The following CAMTA1 variants were observed in gnomAD, a reference collection of about 807,000 sequenced individuals.
The protein encoded by CAMTA1 is calmodulin binding transcription activator 1.
Under a neutral mutation model 170.9 loss-of-function variants are expected in CAMTA1, and 27 were observed. That is an observed-to-expected ratio of 0.16 (90% CI 0.12 to 0.22). The LOEUF (loss-of-function observed/expected upper bound fraction) is 0.22. Among genes scored for constraint, CAMTA1 ranks in the 10% least tolerant of loss-of-function variants. The pLI, the probability that CAMTA1 is intolerant of heterozygous loss-of-function variation, is 1.00. For missense variants in CAMTA1, 1,619 were observed against 2,217.2 expected, an observed-to-expected ratio of 0.73 and a Z score of 5.42; for synonymous variants, 833 against 891.5, an observed-to-expected ratio of 0.93 and a Z score of 1.17.
intron 5 of CAMTA1, among the ~76,000 whole-genome samples, chr1:7,429,192 A>G (rs539015897): frequency 6.6e-6 from 1 of 152,338 alleles, no homozygotes; most frequent in African/African-American, 2.4e-5. Context: ...CTCTCTGAGC[A>G]TCCGTTTCCA....
chr1:7,232,043 C>T (rs1333888196), intron 4 of CAMTA1, among the ~76,000 whole-genome samples: 3 of 152,218 alleles, frequency 2.0e-5, no homozygotes, highest in Admixed American at 6.5e-5. Flanking sequence ...GGAGACACCA[C>T]CCATCGGAGG....
chr1:6,872,049 A>G, intron 3 of CAMTA1: 1 of 995,058 alleles, frequency 1.0e-6, no homozygotes, highest in Non-Finnish European at 1.3e-6. Context: ...TCCTTTTAAA[A>G]TTTAAGTTTA....
intron 3 of CAMTA1, among the ~76,000 whole-genome samples, chr1:7,028,464 G>T (rs1011797579): frequency 6.6e-6 from 1 of 152,190 alleles, no homozygotes; most frequent in Non-Finnish European, 1.5e-5. Context: ...TCTAGCACAG[G>T]TGTCTTCATG....
At chr1:6,941,272 G>A (rs1448600624) in intron 3 of CAMTA1, among the ~76,000 whole-genome samples, 1 of 152,166 alleles carries the variant, frequency 6.6e-6, no homozygotes, top group African/African-American at 2.4e-5. Flanking sequence ...AGCCGCACTT[G>A]AAGTCGTAGG....
chr1:6,990,564 G>A (rs1350016325), intron 3 of CAMTA1, among the ~76,000 whole-genome samples: 1 of 152,038 alleles, frequency 6.6e-6, no homozygotes, highest in East Asian at 1.9e-4. Flanking sequence ...AATCTTAAGT[G>A]TGCCGTGCGA....
At chr1:6,848,975 T>C (rs1474716277) in intron 3 of CAMTA1, among the ~76,000 whole-genome samples, 1 of 152,194 alleles carries the variant, frequency 6.6e-6, no homozygotes, top group Admixed American at 6.5e-5. Context: ...TTGGTTGTCT[T>C]CTCATCTCAG....
chr1:7,337,083 C>T (rs2083431374), intron 5 of CAMTA1, among the ~76,000 whole-genome samples: 1 of 152,212 alleles, frequency 6.6e-6, no homozygotes, highest in Non-Finnish European at 1.5e-5. Context: ...GTGATCTGAC[C>T]TCTCTGGGGG....
At chr1:7,266,422 G>GA (rs1668942947) in intron 5 of CAMTA1, among the ~76,000 whole-genome samples, 2 of 152,248 alleles carry the variant, frequency 1.3e-5, no homozygotes, top group Admixed American at 6.5e-5. Context: ...AGGGATGTCT[G>GA]CCATTTATCA....
chr1:6,893,287 A>G (rs549063147), intron 3 of CAMTA1, among the ~76,000 whole-genome samples: 1 of 152,290 alleles, frequency 6.6e-6, no homozygotes, highest in East Asian at 1.9e-4. Context: ...GAAGAAAAAA[A>G]AAGCTGTTTG....
intron 6 of CAMTA1, among the ~76,000 whole-genome samples, chr1:7,526,458 T>C (rs1044925507): frequency 2.6e-5 from 4 of 152,130 alleles, no homozygotes; most frequent in African/African-American, 9.7e-5. Flanking sequence ...TGGAAGAGGC[T>C]GAGGCCTGGA....
chr1:7,001,485 C>G (rs1698198533), intron 3 of CAMTA1, among the ~76,000 whole-genome samples: 2 of 152,212 alleles, frequency 1.3e-5, no homozygotes, highest in South Asian at 2.1e-4. Context: ...GTAAATTATT[C>G]ACCTTGAATA....
intron 5 of CAMTA1, among the ~76,000 whole-genome samples, chr1:7,434,536 A>C (rs930382495): frequency 6.6e-6 from 1 of 152,198 alleles, no homozygotes; most frequent in Admixed American, 6.5e-5. Context: ...TGCCCTAGGT[A>C]CTGGGTTCTC....
chr1:7,342,291 T>G (rs895788986), intron 5 of CAMTA1, among the ~76,000 whole-genome samples: 4 of 152,176 alleles, frequency 2.6e-5, no homozygotes, highest in African/African-American at 9.7e-5. Flanking sequence ...GGGGGTCCCC[T>G]GGGCTTCCTG....
intron 3 of CAMTA1, among the ~76,000 whole-genome samples, chr1:6,846,500 GT>G (rs1014568674): frequency 6.6e-6 from 1 of 152,176 alleles, no homozygotes; most frequent in Non-Finnish European, 1.5e-5. Context: ...GGATATGAAG[GT>G]TTTTTAAAAA....
At chr1:7,723,842 C>T (rs931904292) in intron 11 of CAMTA1, among the ~76,000 whole-genome samples, 5 of 152,224 alleles carry the variant, frequency 3.3e-5, no homozygotes, top group African/African-American at 1.2e-4. Context: ...GATAGAGTTT[C>T]ACTCTGTCAC....
rs183035491 is a variant in CAMTA1 at position 7,222,907 on chromosome 1, G to A, written c.303-26584G>A. Among the ~76,000 whole-genome samples the A allele has an allele frequency of 6.3e-4, 96 of 152,366 alleles. No homozygotes were observed. In the East Asian group the frequency reaches 0.012, roughly 18 times the overall value. On this transcript the variant is annotated intron_variant, in intron 4 of 22. Coordinates refer to ENST00000303635, the MANE Select transcript of CAMTA1 (RefSeq NM_015215.4). The stretch of plus-strand genomic sequence containing the variant: ...ATATCTGCCTCAGGTGCAGCTGTGA[G>A]GATCCGGGGTGATGCTCATGAGGTG...
At chr1:6,804,482 A>G (rs1570178674) in intron 1 of CAMTA1, among the ~76,000 whole-genome samples, 1 of 152,044 alleles carries the variant, frequency 6.6e-6, no homozygotes, top group Non-Finnish European at 1.5e-5. Context: ...GAAAATCTGT[A>G]CCCATTAGCA....
chr1:7,113,435 C>G lies in CAMTA1; in HGVS notation c.302+22064C>G, dbSNP rs1373148775. ...GGAGAGGGGTCATCTTTACTTGATT[C>G]CCTTGGTCTGGAGAGAAGGATCTAG... On this transcript the variant is annotated intron_variant, in intron 4 of 22. Coordinates refer to ENST00000303635, the MANE Select transcript of CAMTA1 (RefSeq NM_015215.4). This position sits in a 1 kb window ranked among gnomAD's most constrained non-coding sequence, Gnocchi z 4.5. Among the ~76,000 whole-genome samples the G allele has an allele frequency of 6.6e-6, 1 of 152,142 alleles. No individual in the cohort carries two copies. The highest frequency in any genetic ancestry group is 1.5e-5 in the Non-Finnish European group (1 of 68,032).
intron 7 of CAMTA1, among the ~76,000 whole-genome samples, chr1:7,651,738 T>C (rs1218793211): frequency 6.6e-6 from 1 of 152,248 alleles, no homozygotes; most frequent in Non-Finnish European, 1.5e-5. Flanking sequence ...GCAACCACTT[T>C]CCAGATGAAG....
Sources: allele counts gnomAD v4.1 joint callset (sites outside exome capture counted in the v4.1 genomes callset), GRCh38; gene constraint gnomAD v4.1.1; non-coding constraint Gnocchi (gnomAD v3.1); transcripts MANE v1.5; gene names NCBI Gene and HGNC (gene_info 2026-07-23, HGNC 2026-07-21).